The following LRBA variants were observed in gnomAD, a reference collection of about 807,000 sequenced individuals.
LRBA encodes lipopolysaccharide-responsive and beige-like anchor protein.
In LRBA, 176 loss-of-function variants were observed where a neutral mutation model predicts 330.0. That is an observed-to-expected ratio of 0.53 (90% CI 0.47 to 0.60). The LOEUF (loss-of-function observed/expected upper bound fraction) is 0.60, where lower values mean the gene tolerates loss of function less well. Ranked by LOEUF, LRBA falls within the 20% of genes least tolerant of loss-of-function variation. The pLI is 0.00. For synonymous variants in LRBA, 1,230 were observed against 1,193.0 expected (o/e 1.03, Z -0.64); for missense variants, 3,259 against 3,444.8 (o/e 0.95, Z 1.35).
Position 150,697,332 on chromosome 4 carries a change from A to AC in LRBA, c.5755-13616_5755-13615insG, listed in dbSNP as rs1561527514. ...GAGTGAGACTTTGTCTCAGAAAAAA[A>AC]AAAAAAAAAAAAAAAAAAACAGGGA... is the stretch of plus-strand genomic sequence containing the variant. On this transcript the variant is annotated intron_variant, in intron 36 of 56. Transcript: ENST00000651943. Among the ~76,000 whole-genome samples, 21 of 142,730 alleles carry AC rather than the reference A, an allele frequency of 1.5e-4. 2 individuals are homozygous for AC. Among genetic ancestry groups the AC allele is most frequent in the African/African-American group, 5.5e-4 (20 of 36,510 alleles). The allele number at this position is 142,730 out of a possible 152,430, so 93.6% of individuals were successfully genotyped here.
chr4:150,943,816 T>A (rs916544531), intron 2 of LRBA, among the ~76,000 whole-genome samples: 2 of 152,174 alleles, frequency 1.3e-5, no homozygotes, highest in Non-Finnish European at 2.9e-5. Flanking sequence ...AACATAGATA[T>A]CCTCCCACAT....
intron 49 of LRBA, among the ~76,000 whole-genome samples, chr4:150,323,145 T>G (rs971915030): frequency 2.6e-5 from 4 of 152,058 alleles, no homozygotes; most frequent in Admixed American, 2.0e-4. Context: ...GAACGTTTTA[T>G]ATAGTTTTTA....
chr4:150,525,711 C>A (rs182841249), intron 40 of LRBA, among the ~76,000 whole-genome samples: 1 of 152,260 alleles, frequency 6.6e-6, no homozygotes, highest in Admixed American at 6.5e-5. Context: ...TTATGCAACA[C>A]ATACTTATAT....
chr4:150,949,143 AAT>A (rs1177689232), intron 2 of LRBA, among the ~76,000 whole-genome samples: 5 of 152,198 alleles, frequency 3.3e-5, no homozygotes, highest in African/African-American at 1.2e-4. Context: ...CCTGTATATA[AAT>A]ATTTACAGTA....
At chr4:150,522,009 G>T (rs1438520253) in intron 40 of LRBA, among the ~76,000 whole-genome samples, 1 of 151,940 alleles carries the variant, frequency 6.6e-6, no homozygotes, top group Non-Finnish European at 1.5e-5. Flanking sequence ...TTATTTGATG[G>T]TATATTAATT....
chr4:150,988,028 G>A (rs1010202060), intron 2 of LRBA, among the ~76,000 whole-genome samples: 2 of 147,902 alleles, frequency 1.4e-5, no homozygotes, highest in East Asian at 1.9e-4. Context: ...AAGTGCATTC[G>A]CCTTATTGAA....
Position 150,505,981 on chromosome 4 carries a change from C to A in LRBA, c.6331-14946G>T, listed in dbSNP as rs1298314307. On this transcript the variant is annotated intron_variant, in intron 40 of 56. Transcript: ENST00000651943. ...CAAATAAACTAGAAAATCTAGAAGA[C>A]ATGGATAAATTCCTCGACACATACA... Among the ~76,000 whole-genome samples the A allele has an allele frequency of 4.1e-4, 62 of 152,270 alleles. 1 individual carries two copies. In the South Asian group the frequency reaches 0.011, roughly 27 times the overall value.
chr4:150,559,910 T>TA (rs1167297681), intron 40 of LRBA, among the ~76,000 whole-genome samples: 106 of 59,728 alleles, frequency 1.8e-3, no homozygotes, highest in Non-Finnish European at 2.2e-3. Context: ...TATAATTATA[T>TA]ATAATATATA....
intron 47 of LRBA, among the ~76,000 whole-genome samples, chr4:150,396,611 T>C (rs1744770777): frequency 6.6e-6 from 1 of 152,108 alleles, no homozygotes; most frequent in South Asian, 2.1e-4. Flanking sequence ...GGAAAAGCTA[T>C]TGAGGGAAAA....
intron 53 of LRBA, among the ~76,000 whole-genome samples, chr4:150,291,664 G>A (rs1728312664): frequency 7.4e-6 from 1 of 134,372 alleles, no homozygotes; most frequent in African/African-American, 2.8e-5. Flanking sequence ...AGTCAGTGTG[G>A]GGATTCCTCA....
intron 37 of LRBA, among the ~76,000 whole-genome samples, chr4:150,602,898 C>A (rs1774262122): frequency 6.6e-6 from 1 of 152,142 alleles, no homozygotes; most frequent in Non-Finnish European, 1.5e-5. Flanking sequence ...CAAATATAAG[C>A]ATGGATAAGA....
Position 150,658,873 on chromosome 4 carries a change from G to A in LRBA, c.5921+24678C>T, listed in dbSNP as rs1461039724. On this transcript the variant is annotated intron_variant, in intron 37 of 56. Coordinates refer to ENST00000651943, the MANE Select transcript of LRBA (RefSeq NM_001364905.1). ...CCTGATTCTCCTGCCTCAGTCTGCCGAGCGCCGCCACGCCTGACTGGTTTT... is the reference window on the plus strand; with the variant it reads ...CCTGATTCTCCTGCCTCAGTCTGCCAAGCGCCGCCACGCCTGACTGGTTTT... 6.0e-4 allele frequency among the ~76,000 whole-genome samples: 17 copies of A among 28,246 alleles called. 6 individuals are homozygous for A. Among genetic ancestry groups the A allele is most frequent in the Admixed American group, 1.4e-3 (2 of 1,410 alleles). The allele number at this position is 28,246 out of a possible 152,430, so 18.5% of individuals were successfully genotyped here.
chr4:150,502,068 G>C (rs747957847), intron 40 of LRBA, among the ~76,000 whole-genome samples: 2 of 152,204 alleles, frequency 1.3e-5, no homozygotes, highest in Non-Finnish European at 2.9e-5. Flanking sequence ...AGATCAGAGA[G>C]AGCTGCAAAG....
intron 56 of LRBA, among the ~76,000 whole-genome samples, chr4:150,274,312 T>C (rs1364970409): frequency 6.6e-6 from 1 of 152,094 alleles, no homozygotes; most frequent in African/African-American, 2.4e-5. Flanking sequence ...TAAAATAGTG[T>C]TTTGAAGGAA....
At chr4:150,423,752 C>T (rs1468435002) in intron 46 of LRBA, 1 of 178,722 alleles carries the variant, frequency 5.6e-6, no homozygotes, top group Admixed American at 6.2e-5. Context: ...CACGTGGGCT[C>T]CGTCCCCTTA....
At chr4:150,587,792 G>A (rs1772304597) in intron 40 of LRBA, among the ~76,000 whole-genome samples, 1 of 152,040 alleles carries the variant, frequency 6.6e-6, no homozygotes, top group East Asian at 1.9e-4. Context: ...AATGTTCTCG[G>A]AGGTTCCTTC....
intron 22 of LRBA, among the ~76,000 whole-genome samples, chr4:150,863,370 C>G (rs1271084290): frequency 6.6e-6 from 1 of 151,912 alleles, no homozygotes; most frequent in Non-Finnish European, 1.5e-5. Context: ...TTGTTAGAAA[C>G]TAAGACACAA....
chr4:150,870,580 C>T lies in LRBA; in HGVS notation c.2394G>A (p.Gln798=). 3.2e-6 allele frequency: 5 copies of T among 1,579,306 alleles called. No homozygotes were observed. The South Asian group carries it at 4.4e-5, about 14-fold the overall frequency. ...FEILIEQIGT[Q]VIHKQHPDPD... is the part of the protein sequence containing the mutation. ...GATCTGGATGCTGTTTATGTATCAC[C>T]TGAGTACCAATCTGTTCTATAAGAA... Residue 798 remains glutamine, a synonymous_variant, in exon 20 of 57, where the codon CAG becomes CAA. Transcript: ENST00000651943.
chr4:150,403,980 T>C (rs974491688), intron 47 of LRBA, among the ~76,000 whole-genome samples: 1 of 151,976 alleles, frequency 6.6e-6, no homozygotes, highest in Non-Finnish European at 1.5e-5. Flanking sequence ...TGCAGTGAGC[T>C]GAGATTGTGC....
Sources: gnomAD v4.1 joint callset for allele counts (sites outside exome capture counted in the v4.1 genomes callset) on GRCh38, gnomAD v4.1.1 for gene constraint, MANE v1.5 for transcripts, NCBI Gene and HGNC (gene_info 2026-07-23, HGNC 2026-07-21) for gene names.